The following GNG7 variants were observed in gnomAD, a reference collection of about 807,000 sequenced individuals.
GNG7 encodes guanine nucleotide-binding protein G(I)/G(S)/G(O) subunit gamma-7.
A neutral mutation model predicts 4.0 loss-of-function variants in GNG7; 1 was observed. That is an observed-to-expected ratio of 0.25 (90% confidence interval 0.09 to 1.18). GNG7 has a LOEUF of 1.18. GNG7 is among the 50% of genes most tolerant of loss of function. GNG7 has a pLI of 0.50. For missense variants in GNG7, 86 were observed against 91.9 expected (o/e 0.94, Z 0.26); for synonymous variants, 34 against 36.9 (o/e 0.92, Z 0.29).
intron 2 of GNG7, among the ~76,000 whole-genome samples, chr19:2,624,301 G>A (rs193006856): frequency 6.6e-6 from 1 of 152,032 alleles, no homozygotes; most frequent in East Asian, 1.9e-4. Context: ...AGGCCGAGGT[G>A]GAAGGATCAC....
At chr19:2,628,404 C>T (rs543295207) in intron 2 of GNG7, among the ~76,000 whole-genome samples, 1 of 152,140 alleles carries the variant, frequency 6.6e-6, no homozygotes, top group African/African-American at 2.4e-5. Context: ...AGAGGCTACT[C>T]TCAGGTGTCT....
chr19:2,553,650 TACATACATGC>T (rs1979426343), intron 3 of GNG7, among the ~76,000 whole-genome samples: 2 of 96,000 alleles, frequency 2.1e-5, no homozygotes, highest in African/African-American at 8.0e-5. Flanking sequence ...TATGTTATAT[TACATACATGC>T]ACACGTTACA....
At chr19:2,520,347 G>A (rs1978301329) in intron 4 of GNG7, among the ~76,000 whole-genome samples, 1 of 152,344 alleles carries the variant, frequency 6.6e-6, no homozygotes, top group South Asian at 2.1e-4. Context: ...GCTCTGTCAC[G>A]ATGACCGTCT....
chr19:2,610,286 G>C (rs958649812), intron 2 of GNG7: 2 of 150,200 alleles, frequency 1.3e-5, no homozygotes, highest in African/African-American at 4.9e-5. Context: ...TCAGCCTCCC[G>C]AGCAGCTTGG....
intron 2 of GNG7, among the ~76,000 whole-genome samples, chr19:2,615,824 T>C (rs1981709650): frequency 6.6e-6 from 1 of 152,098 alleles, no homozygotes; most frequent in African/African-American, 2.4e-5. Flanking sequence ...AGTGGGAAAT[T>C]TTCTTTGCAA....
chr19:2,525,025 AGCCG>A (rs1978348075), intron 3 of GNG7, among the ~76,000 whole-genome samples: 1 of 151,984 alleles, frequency 6.6e-6, no homozygotes, highest in African/African-American at 2.4e-5. Flanking sequence ...TGGTGTCACC[AGCCG>A]GCACTGACTC....
rs148079013 is a variant in GNG7 at position 2,696,386 on chromosome 19, G to A, written c.-135+6260C>T. Among the ~76,000 whole-genome samples, 923 of 149,572 alleles carry A rather than the reference G, an allele frequency of 6.2e-3. 13 individuals carry two copies. Among genetic ancestry groups the A allele is most frequent in the African/African-American group, 0.021 (864 of 40,620 alleles). ...AAAGAAAGAAAGGAAAGGAAGGGAA[G>A]AAAGAAAGGAAAGACGAAGGAAGAA... is the stretch of plus-strand genomic sequence containing the variant. On this transcript the variant is annotated intron_variant, in intron 1 of 4. Coordinates refer to ENST00000382159, the MANE Select transcript of GNG7 (RefSeq NM_052847.3).
chr19:2,529,825 G>T (rs553472265), intron 3 of GNG7, among the ~76,000 whole-genome samples: 3 of 152,276 alleles, frequency 2.0e-5, no homozygotes, highest in Admixed American at 6.5e-5. Flanking sequence ...TCCTGAAGAG[G>T]GACCACACGG....
At chr19:2,552,762 A>T (rs1273178920) in intron 3 of GNG7, among the ~76,000 whole-genome samples, 1 of 151,286 alleles carries the variant, frequency 6.6e-6, no homozygotes, top group South Asian at 2.1e-4. Flanking sequence ...GAATTATTTT[A>T]TTATATATTA....
At chr19:2,610,162 A>T (rs1400684606) in intron 2 of GNG7, 1 of 151,212 alleles carries the variant, frequency 6.6e-6, no homozygotes, top group African/African-American at 2.4e-5. Context: ...ATTATTATTA[A>T]TTTTTTATTT....
At chr19:2,696,319 AAAGAAAG>A (rs1348584985) in intron 1 of GNG7, among the ~76,000 whole-genome samples, 1 of 147,008 alleles carries the variant, frequency 6.8e-6, no homozygotes, top group Admixed American at 6.7e-5. Flanking sequence ...AGAAAGAAAG[AAAGAAAG>A]AAAGAAAGAA....
chr19:2,589,621 A>G (rs1980780153), intron 2 of GNG7, among the ~76,000 whole-genome samples: 1 of 151,516 alleles, frequency 6.6e-6, no homozygotes, highest in African/African-American at 2.4e-5. Context: ...CCCTCCTCCC[A>G]TGTCAGATGA....
rs148169639 is a variant in GNG7 at position 2,546,854 on chromosome 19, G to A, written c.-38+8295C>T. 1.3e-4 allele frequency among the ~76,000 whole-genome samples: 20 copies of A among 152,312 alleles called. No homozygotes were observed. Among genetic ancestry groups the A allele is most frequent in the Non-Finnish European group, 2.6e-4 (18 of 68,010 alleles). On this transcript the variant is annotated intron_variant, in intron 3 of 4. Coordinates refer to ENST00000382159, the MANE Select transcript of GNG7 (RefSeq NM_052847.3). This position sits in a 1 kb window ranked among gnomAD's most constrained non-coding sequence, Gnocchi z 6.3. ...GTGAGAGTTTGCAAGCCCGGGAACC[G>A]GGGCCGGGCCAGGACACTGAACCCC...
chr19:2,624,678 G>A (rs1452946417), intron 2 of GNG7, among the ~76,000 whole-genome samples: 2 of 152,222 alleles, frequency 1.3e-5, no homozygotes, highest in Admixed American at 1.3e-4. Context: ...ACTGTGACCT[G>A]TTGCCAGCCC....
At chr19:2,527,422 G>A (rs1242711684) in intron 3 of GNG7, among the ~76,000 whole-genome samples, 1 of 152,200 alleles carries the variant, frequency 6.6e-6, no homozygotes, top group African/African-American at 2.4e-5. Flanking sequence ...TCGCCCCTCT[G>A]GAGCTGTGCC....
chr19:2,661,302 G>GAAAGAAAGAAAAAGAAAGAA lies in GNG7; in HGVS notation c.-134-15023_-134-15022insTTCTTTCTTTTTCTTTCTTT. Among the ~76,000 whole-genome samples the GAAAGAAAGAAAAAGAAAGAA allele has an allele frequency of 6.6e-4, 48 of 73,124 alleles. 2 individuals are homozygous for GAAAGAAAGAAAAAGAAAGAA. The highest frequency in any genetic ancestry group is 1.6e-3 in the African/African-American group (30 of 18,502). The allele number at this position is 73,124 out of a possible 152,430, so 48.0% of individuals were successfully genotyped here. Reference sequence around the variant, plus strand: ...AGAAAGAAAGAAAGAAAGAAAGAAAGAGAAAGAAAGAAAGAAAGAAAGAAA... The same window carrying GAAAGAAAGAAAAAGAAAGAA: ...AGAAAGAAAGAAAGAAAGAAAGAAAGAAAGAAAGAAAAAGAAAGAAAGAAAGAAAGAAAGAAAGAAAGAAA... On this transcript the variant is annotated intron_variant, in intron 1 of 4. Coordinates refer to ENST00000382159, the MANE Select transcript of GNG7 (RefSeq NM_052847.3).
chr19:2,603,101 T>C (rs1347690164), intron 2 of GNG7, among the ~76,000 whole-genome samples: 2 of 151,736 alleles, frequency 1.3e-5, no homozygotes, highest in East Asian at 1.9e-4. Flanking sequence ...AGTTTCGCTC[T>C]TGTTGCCCAG....
intron 1 of GNG7, among the ~76,000 whole-genome samples, chr19:2,669,568 C>T (rs1432112520): frequency 1.3e-5 from 2 of 152,280 alleles, no homozygotes; most frequent in Non-Finnish European, 2.9e-5. Context: ...CACTTGCTTT[C>T]GTCAATAAGT....
intron 2 of GNG7, among the ~76,000 whole-genome samples, chr19:2,558,766 TTTTC>T (rs1048806553): frequency 1.9e-4 from 29 of 152,026 alleles, no homozygotes; most frequent in Admixed American, 1.2e-3. Flanking sequence ...TTTCTTTCTT[TTTTC>T]TTTCTTTCTT....
Sources: allele counts gnomAD v4.1 joint callset (sites outside exome capture counted in the v4.1 genomes callset), GRCh38; gene constraint gnomAD v4.1.1; non-coding constraint Gnocchi (gnomAD v3.1); transcripts MANE v1.5; gene names NCBI Gene and HGNC (gene_info 2026-07-23, HGNC 2026-07-21).